Variants in PLXDC2 observed in about 807,000 individuals in gnomAD.
The protein encoded by PLXDC2 is plexin domain containing 2.
A neutral mutation model predicts 68.9 loss-of-function variants in PLXDC2; 40 were observed. The observed-to-expected ratio is 0.58, with a 90% CI of 0.45 to 0.76. The LOEUF (loss-of-function observed/expected upper bound fraction) is 0.76. Among genes scored for constraint, PLXDC2 ranks in the 30% least tolerant of loss-of-function variants. The pLI is 0.00. For missense variants in PLXDC2, 644 were observed against 661.9 expected, an observed-to-expected ratio of 0.97 and a Z score of 0.30; for synonymous variants, 243 against 234.2, an observed-to-expected ratio of 1.04 and a Z score of -0.34.
At chr10:20,044,213 CTTTCTTTCTTTCTTTCTTTCTTTCTT>C (rs1564293878) in intron 2 of PLXDC2, among the ~76,000 whole-genome samples, 9 of 6,618 alleles carry the variant, frequency 1.4e-3, no homozygotes, top group African/African-American at 5.6e-3. Flanking sequence ...CTCTCTCTGT[CTTTCTTTCTTTCTTTCTTTCTTTCTT>C]TCTTTCTTTC....
intron 1 of PLXDC2, among the ~76,000 whole-genome samples, chr10:19,971,794 A>G (rs976108987): frequency 2.6e-5 from 4 of 152,144 alleles, no homozygotes; most frequent in African/African-American, 9.7e-5. Context: ...TGGGATTATA[A>G]CAAGTCGACT....
chr10:20,107,112 A>G (rs1833502240), intron 4 of PLXDC2, among the ~76,000 whole-genome samples: 1 of 149,542 alleles, frequency 6.7e-6, no homozygotes, highest in Admixed American at 6.7e-5. Context: ...TATAGTATAT[A>G]TCTGTGCTGT....
At chr10:19,894,063 C>A (rs933293175) in intron 1 of PLXDC2, among the ~76,000 whole-genome samples, 4 of 152,124 alleles carry the variant, frequency 2.6e-5, no homozygotes, top group African/African-American at 7.2e-5. Flanking sequence ...AATGCCCAAT[C>A]TGTAGAAAGA....
intron 4 of PLXDC2, among the ~76,000 whole-genome samples, chr10:20,091,082 T>C (rs1310564974): frequency 6.6e-6 from 1 of 152,124 alleles, no homozygotes; most frequent in Non-Finnish European, 1.5e-5. Context: ...TTTTAAAACA[T>C]CAATATGTGA....
intron 4 of PLXDC2, among the ~76,000 whole-genome samples, chr10:20,075,522 A>G (rs1352432069): frequency 1.3e-5 from 2 of 152,270 alleles, no homozygotes; most frequent in African/African-American, 4.8e-5. Flanking sequence ...TTTCATATTC[A>G]CAACCACTTG....
At chr10:20,147,201 T>C (rs1260467922) in intron 5 of PLXDC2, among the ~76,000 whole-genome samples, 1 of 152,116 alleles carries the variant, frequency 6.6e-6, no homozygotes, top group Non-Finnish European at 1.5e-5. Flanking sequence ...ACTTCAAAAA[T>C]CTTAGTCCAG....
chr10:20,261,141 A>G (rs1469630788), intron 13 of PLXDC2, among the ~76,000 whole-genome samples: 1 of 152,170 alleles, frequency 6.6e-6, no homozygotes, highest in African/African-American at 2.4e-5. Flanking sequence ...CAAAATCCAT[A>G]GGCTTCCTCT....
rs1436486168 is a variant in PLXDC2, at chr10:20,289,174, A to T, written c.*9355A>T. On this transcript the variant is annotated 3_prime_UTR_variant, in exon 14 of 14. Coordinates refer to ENST00000377252, the MANE Select transcript of PLXDC2 (RefSeq NM_032812.9). ...TCAGAGGCACAAGGCTGATGGCAAG[A>T]TAGAAAGTTATTTTGCTTCTAAACC... The T allele has an allele frequency of 6.6e-6, 1 of 152,206 alleles. No individual in the cohort carries two copies. Among genetic ancestry groups the T allele is most frequent in the Non-Finnish European group, 1.5e-5 (1 of 68,042 alleles). The allele number at this position is 152,206 out of a possible 1,614,324, so 9.4% of individuals were successfully genotyped here. A position where few individuals can be genotyped will look rare whatever the true frequency, so the allele number is the denominator to read the frequency against.
intron 1 of PLXDC2, among the ~76,000 whole-genome samples, chr10:19,898,793 A>G (rs567449458): frequency 6.6e-6 from 1 of 152,136 alleles, no homozygotes; most frequent in Non-Finnish European, 1.5e-5. Context: ...TACGCAACAG[A>G]TATTCATGAA....
At chr10:20,273,487 A>G (rs1835965108) in intron 13 of PLXDC2, among the ~76,000 whole-genome samples, 1 of 152,160 alleles carries the variant, frequency 6.6e-6, no homozygotes, top group Non-Finnish European at 1.5e-5. Flanking sequence ...TTCACAGAAT[A>G]TGACATCCGA....
At chr10:19,821,327 G>A (rs997009500) in intron 1 of PLXDC2, among the ~76,000 whole-genome samples, 2 of 152,078 alleles carry the variant, frequency 1.3e-5, no homozygotes, top group Non-Finnish European at 2.9e-5. Flanking sequence ...CCTTCTCTAA[G>A]TGCGTCTCCA....
chr10:20,105,261 T>C (rs1833477032), intron 4 of PLXDC2, among the ~76,000 whole-genome samples: 1 of 152,150 alleles, frequency 6.6e-6, no homozygotes, highest in South Asian at 2.1e-4. Context: ...GTTTTACATG[T>C]ACCACAAATA....
At chr10:20,038,309 G>A (rs1358526471) in intron 2 of PLXDC2, among the ~76,000 whole-genome samples, 1 of 151,798 alleles carries the variant, frequency 6.6e-6, no homozygotes, top group African/African-American at 2.4e-5. Flanking sequence ...ATAAGATATC[G>A]CTAGAGGGAT....
At chr10:20,249,154 A>T (rs530401836) in intron 13 of PLXDC2, among the ~76,000 whole-genome samples, 8 of 152,154 alleles carry the variant, frequency 5.3e-5, no homozygotes, top group Non-Finnish European at 1.0e-4. Context: ...TGGCTTTGTA[A>T]ACATCATTTT....
chr10:19,901,022 T>A (rs902143674), intron 1 of PLXDC2, among the ~76,000 whole-genome samples: 1 of 151,220 alleles, frequency 6.6e-6, no homozygotes, highest in Admixed American at 6.6e-5. Context: ...TGTGTATTCA[T>A]ACATATATAT....
At chr10:19,986,551 AG>A (rs1834643832) in intron 1 of PLXDC2, among the ~76,000 whole-genome samples, 1 of 122,496 alleles carries the variant, frequency 8.2e-6, no homozygotes, top group Admixed American at 7.9e-5. Context: ...AAAAAAACAA[AG>A]AAAAAGAAAA....
chr10:20,058,173 A>G (rs1402912309), intron 3 of PLXDC2, among the ~76,000 whole-genome samples: 1 of 152,178 alleles, frequency 6.6e-6, no homozygotes, highest in Non-Finnish European at 1.5e-5. Context: ...TTACATATTT[A>G]TGGGGTACAG....
chr10:20,198,967 T>C (rs1229720371), intron 9 of PLXDC2, among the ~76,000 whole-genome samples: 1 of 152,112 alleles, frequency 6.6e-6, no homozygotes, highest in Non-Finnish European at 1.5e-5. Flanking sequence ...ACATTCAGTC[T>C]TTCACCATAA....
chr10:20,142,944 A>G (rs1029850915), intron 4 of PLXDC2, among the ~76,000 whole-genome samples: 3 of 152,124 alleles, frequency 2.0e-5, no homozygotes, highest in Admixed American at 1.3e-4. Context: ...TATTGTTAAA[A>G]TAACAAGGGA....
Sources: allele counts gnomAD v4.1 joint callset (sites outside exome capture counted in the v4.1 genomes callset), GRCh38; gene constraint gnomAD v4.1.1; transcripts MANE v1.5; gene names NCBI Gene and HGNC (gene_info 2026-07-23, HGNC 2026-07-21).